RANBP2: variants seen among roughly 807,000 people sequenced by gnomAD.
RANBP2 encodes E3 SUMO-protein ligase RanBP2.
RANBP2 carries 57 observed loss-of-function variants against 303.6 expected under a neutral mutation model. The ratio of observed to expected loss-of-function variants is 0.19; its 90% confidence interval spans 0.15 to 0.23. The LOEUF is 0.23. RANBP2 is among the 10% of genes least tolerant of loss of function. The probability of loss-of-function intolerance (pLI) is 1.00; values close to 1 mark genes in which losing one functional copy is unlikely to be tolerated. For synonymous variants in RANBP2, 1,167 were observed against 1,301.5 expected (o/e 0.90, Z 2.23); for missense variants, 3,138 against 3,780.8 (o/e 0.83, Z 4.46).
the RANBP2 span, among the ~76,000 whole-genome samples, chr2:109,555,623 C>T: frequency 2.6e-5 from 4 of 152,202 alleles, no homozygotes; most frequent in Admixed American, 6.5e-5. Flanking sequence ...AGGGCAGTCA[C>T]GACCCAGGCA....
the RANBP2 span, among the ~76,000 whole-genome samples, chr2:109,050,446 G>GA: frequency 6.6e-6 from 1 of 151,294 alleles, no homozygotes; most frequent in East Asian, 1.9e-4. Context: ...AGAGATGGGG[G>GA]GTCTCATGAG....
the RANBP2 span, among the ~76,000 whole-genome samples, chr2:108,954,679 T>C: frequency 6.8e-6 from 1 of 146,500 alleles, no homozygotes; most frequent in African/African-American, 2.5e-5. Flanking sequence ...GAAGATAATC[T>C]TTTTTTTTTT....
the RANBP2 span, among the ~76,000 whole-genome samples, chr2:109,088,134 C>T: frequency 6.6e-6 from 1 of 151,974 alleles, no homozygotes; most frequent in African/African-American, 2.4e-5. Flanking sequence ...TACGGTGGCT[C>T]ACACCTGTAA....
At chr2:109,213,132 T>C in the RANBP2 span, among the ~76,000 whole-genome samples, 1 of 152,302 alleles carries the variant, frequency 6.6e-6, no homozygotes, top group Non-Finnish European at 1.5e-5. Context: ...CTGCAAGTCA[T>C]GAACACCCAG....
At chr2:109,239,565 G>T in the RANBP2 span, among the ~76,000 whole-genome samples, 3 of 152,224 alleles carry the variant, frequency 2.0e-5, no homozygotes, top group Non-Finnish European at 4.4e-5. Flanking sequence ...GGGTTAGTGG[G>T]CAGACACCAT....
the RANBP2 span, among the ~76,000 whole-genome samples, chr2:109,515,950 G>C: frequency 6.6e-6 from 1 of 152,182 alleles, no homozygotes; most frequent in Non-Finnish European, 1.5e-5. Context: ...CCAGCACTAG[G>C]GATTGCATTT....
the RANBP2 span, among the ~76,000 whole-genome samples, chr2:109,488,281 T>C: frequency 6.6e-6 from 1 of 152,146 alleles, no homozygotes; most frequent in Non-Finnish European, 1.5e-5. Flanking sequence ...ATCCCTGGGA[T>C]CTGCCCACCA....
At chr2:109,437,414 C>T in the RANBP2 span, among the ~76,000 whole-genome samples, 1 of 151,734 alleles carries the variant, frequency 6.6e-6, no homozygotes. Flanking sequence ...GTTCACTTGC[C>T]TTATCATGTT....
the RANBP2 span, among the ~76,000 whole-genome samples, chr2:109,705,495 G>A: frequency 1.3e-5 from 2 of 152,218 alleles, no homozygotes; most frequent in African/African-American, 4.8e-5. Context: ...GACGCAAATA[G>A]CATGGGGCTT....
the RANBP2 span, among the ~76,000 whole-genome samples, chr2:109,195,191 A>G: frequency 7.9e-6 from 1 of 125,790 alleles, no homozygotes; most frequent in Non-Finnish European, 1.7e-5. Flanking sequence ...CTCATTGGAG[A>G]TGGGGCTAGG....
chr2:109,645,355 C>T, the RANBP2 span, among the ~76,000 whole-genome samples: 1 of 152,348 alleles, frequency 6.6e-6, no homozygotes, highest in South Asian at 2.1e-4. Context: ...GAGTGGGCAC[C>T]CAGCCCCTTC....
At chr2:108,962,524 A>T in the RANBP2 span, among the ~76,000 whole-genome samples, 1 of 151,812 alleles carries the variant, frequency 6.6e-6, no homozygotes. Context: ...ATACAAAAAA[A>T]ATTAGCCGGG....
the RANBP2 span, among the ~76,000 whole-genome samples, chr2:109,087,682 A>C: frequency 6.6e-6 from 1 of 152,200 alleles, no homozygotes. Context: ...GGGAACAATG[A>C]TACCTAGAGT....
chr2:109,649,275 G>C, the RANBP2 span, among the ~76,000 whole-genome samples: 1 of 152,128 alleles, frequency 6.6e-6, no homozygotes. Flanking sequence ...CATGACTAAA[G>C]TCCTGGAGAC....
the RANBP2 span, among the ~76,000 whole-genome samples, chr2:109,366,016 C>G: frequency 6.6e-6 from 1 of 152,098 alleles, no homozygotes; most frequent in Admixed American, 6.5e-5. Context: ...GCATATAAGA[C>G]AATTCTGTTA....
the RANBP2 span, chr2:109,141,445 C>T: frequency 1.3e-5 from 2 of 153,784 alleles, no homozygotes; most frequent in African/African-American, 4.8e-5. Flanking sequence ...GGGAGGGGCT[C>T]GAGACCTCTG....
At chr2:108,846,683 A>G in the RANBP2 span, 1 of 1,484,622 alleles carries the variant, frequency 6.7e-7, no homozygotes, top group Non-Finnish European at 9.2e-7. Context: ...TCTCAAAAAA[A>G]AAGATATATT....
At chr2:109,667,823 G>T in the RANBP2 span, 1 of 186,062 alleles carries the variant, frequency 5.4e-6, no homozygotes. Flanking sequence ...GCAGTCAGAG[G>T]GTGCAGAAGG....
intron 1 of RANBP2, among the ~76,000 whole-genome samples, chr2:108,726,832 A>G (rs1483708027): frequency 6.6e-5 from 10 of 151,766 alleles, no homozygotes; most frequent in Non-Finnish European, 1.3e-4. Flanking sequence ...AGTGGTGATG[A>G]CTCTTAACGA....
Sources: allele counts gnomAD v4.1 joint callset (sites outside exome capture counted in the v4.1 genomes callset), GRCh38; gene constraint gnomAD v4.1.1; transcripts MANE v1.5; gene names NCBI Gene and HGNC (gene_info 2026-07-23, HGNC 2026-07-21).